Variants in FGD4 observed in about 807,000 individuals in gnomAD.
FGD4 encodes the protein FYVE, RhoGEF and PH domain containing 4.
FGD4 carries 42 observed loss-of-function variants against 102.0 expected under a neutral mutation model. That is an observed-to-expected ratio of 0.41 (90% CI 0.32 to 0.53). The LOEUF is 0.53. FGD4 is among the 20% of genes least tolerant of loss of function. The probability of loss-of-function intolerance (pLI) is 0.21; values close to 1 mark genes in which losing one functional copy is unlikely to be tolerated. For synonymous variants in FGD4, 380 were observed against 375.7 expected, an observed-to-expected ratio of 1.01 and a Z score of -0.13; for missense variants, 902 against 1,078.2, an observed-to-expected ratio of 0.84 and a Z score of 2.29.
At chr12:32,600,478 C>G in intron 5 of FGD4, 1 of 1,281,578 alleles carries the variant, frequency 7.8e-7, no homozygotes, top group Non-Finnish European at 1.0e-6. Flanking sequence ...AGACCTCCTT[C>G]TGCCTACATG....
intron 1 of FGD4, among the ~76,000 whole-genome samples, chr12:32,481,164 C>T (rs934168653): frequency 1.6e-4 from 15 of 90,990 alleles, no homozygotes; most frequent in Non-Finnish European, 3.4e-4. Context: ...AAAAGCCGGG[C>T]GCAGTGGCTC....
At chr12:32,566,016 AAAATACCAT>A (rs1180133055) in intron 2 of FGD4, among the ~76,000 whole-genome samples, 1 of 152,198 alleles carries the variant, frequency 6.6e-6, no homozygotes, top group Non-Finnish European at 1.5e-5. Flanking sequence ...CTGCTGTAAC[AAAATACCAT>A]AAATTGGGTA....
intron 1 of FGD4, among the ~76,000 whole-genome samples, chr12:32,453,220 A>ATTTTATATATAT (rs1391496111): frequency 5.7e-5 from 3 of 52,784 alleles, no homozygotes; most frequent in South Asian, 1.7e-3. Context: ...ATATATATAT[A>ATTTTATATATAT]ATATAGATAT....
intron 1 of FGD4, among the ~76,000 whole-genome samples, chr12:32,409,761 C>T (rs1941120488): frequency 6.6e-6 from 1 of 152,132 alleles, no homozygotes; most frequent in African/African-American, 2.4e-5. Context: ...ATAGGTATAT[C>T]TTTTAAAATC....
Position 32,633,556 on chromosome 12 carries a change from G to T in FGD4, c.2180G>T (p.Cys727Phe). 2 of 1,613,452 alleles carry T rather than the reference G, an allele frequency of 1.2e-6. No individual in the cohort carries two copies. The highest frequency in any genetic ancestry group is 1.3e-5 in the African/African-American group (1 of 74,994). ...HHCRACGYVV[C>F]WKCSDYKAQL... ...TTTTCTTTTAAATTTAAGGTGGTTT[G>T]TTGGAAATGCTCCGACTACAAAGCT... is the stretch of plus-strand genomic sequence containing the variant. The change falls in exon 15 of 17, where the codon TGT becomes TTT. Residue 727 changes from cysteine (C) to phenylalanine (F), a missense_variant. Cys to Phe is a radical substitution (Grantham distance 205, BLOSUM62 -2). This residue lies in a region of FGD4 where 459 missense variants were observed against 619.0 expected (regional missense o/e 0.74). Coordinates refer to ENST00000534526, the MANE Select transcript of FGD4 (RefSeq NM_001370298.3).
chr12:32,587,440 G>A (rs1947140159), intron 4 of FGD4, among the ~76,000 whole-genome samples: 1 of 151,892 alleles, frequency 6.6e-6, no homozygotes, highest in Non-Finnish European at 1.5e-5. Context: ...TGCCAGGCTG[G>A]AGTGCGGTGA....
At chr12:32,557,179 T>G (rs539005726) in intron 1 of FGD4, among the ~76,000 whole-genome samples, 3 of 152,188 alleles carry the variant, frequency 2.0e-5, no homozygotes, top group Admixed American at 6.5e-5. Flanking sequence ...AAAGTCTCTG[T>G]GATATGTATA....
intron 1 of FGD4, among the ~76,000 whole-genome samples, chr12:32,438,406 C>T (rs1314241013): frequency 3.9e-5 from 6 of 152,106 alleles, no homozygotes; most frequent in Admixed American, 3.9e-4. Flanking sequence ...ACTTACTGTA[C>T]TTTATTCAAA....
rs368608031 is a variant in FGD4 at position 32,535,676 on chromosome 12, T to C, written c.167-28461T>C. 7.9e-5 allele frequency among the ~76,000 whole-genome samples: 12 copies of C among 152,296 alleles called. No individual in the cohort carries two copies. In the South Asian group the frequency reaches 1.0e-3, roughly 13 times the overall value. Reference sequence around the variant, plus strand: ...AAGAAATGCAGCAAAAGGGAAGTGTTTTCTCACCCCAAGCAGTGAAGTTTT... The same window carrying C: ...AAGAAATGCAGCAAAAGGGAAGTGTCTTCTCACCCCAAGCAGTGAAGTTTT... On this transcript the variant is annotated intron_variant, in intron 1 of 16. Coordinates refer to ENST00000534526, the MANE Select transcript of FGD4 (RefSeq NM_001370298.3).
At chr12:32,466,007 G>A (rs1943243738) in intron 1 of FGD4, among the ~76,000 whole-genome samples, 1 of 152,052 alleles carries the variant, frequency 6.6e-6, no homozygotes, top group East Asian at 1.9e-4. Context: ...TGAACTCCTG[G>A]CCTCAAGCAA....
chr12:32,418,287 T>C (rs1263294444), intron 1 of FGD4, among the ~76,000 whole-genome samples: 2 of 152,066 alleles, frequency 1.3e-5, no homozygotes, highest in African/African-American at 4.8e-5. Flanking sequence ...CGAGGTCATG[T>C]TTTCCTGGAT....
intron 1 of FGD4, among the ~76,000 whole-genome samples, chr12:32,552,420 C>T (rs928760039): frequency 2.7e-5 from 4 of 149,314 alleles, no homozygotes; most frequent in African/African-American, 4.9e-5. Flanking sequence ...CCGCCATGCC[C>T]GACTAATTTT....
chr12:32,537,016 C>T (rs1942334474), intron 1 of FGD4, among the ~76,000 whole-genome samples: 1 of 151,688 alleles, frequency 6.6e-6, no homozygotes, highest in African/African-American at 2.4e-5. Context: ...TCACACCATT[C>T]TCCTGCCTCA....
At chr12:32,577,211 T>G (rs1387367279) in intron 3 of FGD4, among the ~76,000 whole-genome samples, 2 of 152,198 alleles carry the variant, frequency 1.3e-5, no homozygotes. Context: ...AGAAATTTTG[T>G]CACTGACTTA....
intron 1 of FGD4, 113 bp from the exon 2 acceptor site, chr12:32,564,024 A>T: frequency 1.2e-6 from 1 of 826,454 alleles, no homozygotes; most frequent in East Asian, 3.2e-5. Flanking sequence ...GGGGAGAGGG[A>T]GAGGGAGGGG....
chr12:32,566,994 C>T (rs10047581), intron 2 of FGD4, among the ~76,000 whole-genome samples: 28,775 of 152,088 alleles, frequency 0.19, 2,765 homozygotes, highest in Middle Eastern at 0.29. Flanking sequence ...TGGTCCAGGG[C>T]GTGTAGCCCT....
intron 1 of FGD4, among the ~76,000 whole-genome samples, chr12:32,448,466 T>A (rs1942683101): frequency 6.6e-6 from 1 of 152,116 alleles, no homozygotes; most frequent in South Asian, 2.1e-4. Context: ...GAGAGCAGCC[T>A]GACCAACATG....
intron 1 of FGD4, among the ~76,000 whole-genome samples, chr12:32,557,887 T>C (rs1944248723): frequency 6.6e-6 from 1 of 152,288 alleles, no homozygotes. Flanking sequence ...TGGGGGAGTT[T>C]TGGGAGTTAT....
intron 1 of FGD4, among the ~76,000 whole-genome samples, chr12:32,519,906 C>T (rs1160457840): frequency 6.6e-6 from 1 of 152,142 alleles, no homozygotes; most frequent in African/African-American, 2.4e-5. Context: ...GAGATCATGC[C>T]ACTGCACTCC....
Sources: gnomAD v4.1 joint callset for allele counts (sites outside exome capture counted in the v4.1 genomes callset) on GRCh38, gnomAD v4.1.1 for gene constraint, gnomAD v4.1.1 regional missense constraint, MANE v1.5 for transcripts, NCBI Gene and HGNC (gene_info 2026-07-23, HGNC 2026-07-21) for gene names.